TBC1D22A: variants seen among roughly 807,000 people sequenced by gnomAD.
TBC1D22A encodes the protein TBC1 domain family member 22A, also known as putative GTPase activator.
In TBC1D22A, 38 loss-of-function variants were observed where a neutral mutation model predicts 60.2. That is an observed-to-expected ratio of 0.63 (90% confidence interval 0.49 to 0.83). The LOEUF is 0.83. Ranked by LOEUF, TBC1D22A falls within the 40% of genes least tolerant of loss-of-function variation. The probability of loss-of-function intolerance (pLI) is 0.00; values close to 1 mark genes in which losing one functional copy is unlikely to be tolerated. For missense variants in TBC1D22A, 628 were observed against 701.0 expected, an observed-to-expected ratio of 0.90 and a Z score of 1.18; for synonymous variants, 302 against 281.7, an observed-to-expected ratio of 1.07 and a Z score of -0.72.
rs1002845495 is a variant in TBC1D22A, at chr22:47,173,746, C to A, written c.*120C>A. 3 of 1,474,154 alleles carry A rather than the reference C, an allele frequency of 2.0e-6. No homozygotes were observed. The highest frequency in any genetic ancestry group is 2.8e-6 in the Non-Finnish European group (3 of 1,081,558). The allele number at this position is 1,474,154 out of a possible 1,614,324, so 91.3% of individuals were successfully genotyped here. A position where few individuals can be genotyped will look rare whatever the true frequency, so the allele number is the denominator to read the frequency against. ...TAAAAGGCCTTGTGAGGTGGCCCCA[C>A]CCTCCAGGGGAGCTGGTGAAGATGG... On this transcript the variant is annotated 3_prime_UTR_variant, in exon 13 of 13. Coordinates refer to ENST00000337137, the MANE Select transcript of TBC1D22A (RefSeq NM_014346.5).
chr22:47,024,883 A>G (rs905535566), intron 10 of TBC1D22A, among the ~76,000 whole-genome samples: 1 of 152,204 alleles, frequency 6.6e-6, no homozygotes, highest in African/African-American at 2.4e-5. Flanking sequence ...AAAGCCCACA[A>G]ATATGAAGAA....
intron 8 of TBC1D22A, among the ~76,000 whole-genome samples, chr22:46,943,644 ATT>A (rs1255552653): frequency 6.6e-6 from 1 of 152,184 alleles, no homozygotes; most frequent in African/African-American, 2.4e-5. Context: ...TTGTGCAACA[ATT>A]GCCACACTCT....
At chr22:46,959,841 C>T (rs930593063) in intron 8 of TBC1D22A, among the ~76,000 whole-genome samples, 9 of 152,188 alleles carry the variant, frequency 5.9e-5, no homozygotes, top group South Asian at 2.1e-4. Context: ...GACCTGCCAT[C>T]GGCATTTGCT....
At chr22:47,055,903 T>TACGCCACTGAGGGTCAGTGAGAC (rs2063378410) in intron 11 of TBC1D22A, among the ~76,000 whole-genome samples, 1 of 151,818 alleles carries the variant, frequency 6.6e-6, no homozygotes, top group Admixed American at 6.6e-5. Flanking sequence ...GTCGGTGAGA[T>TACGCCACTGAGGGTCAGTGAGAC]ACGCCACTGA....
chr22:47,154,415 A>G (rs2147183226), intron 12 of TBC1D22A, among the ~76,000 whole-genome samples: 1 of 152,298 alleles, frequency 6.6e-6, no homozygotes, highest in East Asian at 1.9e-4. Context: ...CGCGCGGGAC[A>G]CTGTCATGGC....
At chr22:47,007,439 G>A (rs1261716429) in intron 10 of TBC1D22A, among the ~76,000 whole-genome samples, 1 of 152,258 alleles carries the variant, frequency 6.6e-6, no homozygotes, top group Non-Finnish European at 1.5e-5. Context: ...GGGAGAGGCA[G>A]AGGAGCCCTT....
intron 4 of TBC1D22A, among the ~76,000 whole-genome samples, chr22:46,815,838 G>A (rs1476473662): frequency 6.6e-6 from 1 of 152,090 alleles, no homozygotes; most frequent in East Asian, 1.9e-4. Context: ...TTGGCTGGTG[G>A]GAGGATGGAA....
rs1352400742 is a variant in TBC1D22A, at chr22:47,009,855, C to T, written c.1201+12146C>T. Among the ~76,000 whole-genome samples the T allele has an allele frequency of 1.3e-5, 2 of 152,244 alleles. No homozygotes were observed. Among genetic ancestry groups the T allele is most frequent in the Non-Finnish European group, 2.9e-5 (2 of 68,052 alleles). The stretch of plus-strand genomic sequence containing the variant: ...TTGGACCTTGTTGAGCTGCCAAGGG[C>T]CCTGTCCATGCCTGCTCCTGAGGCA... On this transcript the variant is annotated intron_variant, in intron 10 of 12. Coordinates refer to ENST00000337137, the MANE Select transcript of TBC1D22A (RefSeq NM_014346.5). The surrounding 1 kb of genome is among the most constrained non-coding windows in gnomAD (Gnocchi z 5.8).
At chr22:46,928,419 AC>A (rs1418313616) in intron 8 of TBC1D22A, among the ~76,000 whole-genome samples, 1 of 152,240 alleles carries the variant, frequency 6.6e-6, no homozygotes, top group African/African-American at 2.4e-5. Flanking sequence ...GTAGACACAC[AC>A]AAAAAAGTGA....
At chr22:46,966,126 C>A (rs769682716) in intron 8 of TBC1D22A, among the ~76,000 whole-genome samples, 4 of 152,240 alleles carry the variant, frequency 2.6e-5, no homozygotes, top group Admixed American at 2.0e-4. Flanking sequence ...TCTTCCTCCT[C>A]TTTCCGTCTG....
chr22:47,157,513 G>A (rs2067773400), intron 12 of TBC1D22A, among the ~76,000 whole-genome samples: 1 of 152,202 alleles, frequency 6.6e-6, no homozygotes, highest in African/African-American at 2.4e-5. Context: ...GCCAGGATGT[G>A]GTTCTCCCAC....
At chr22:46,940,397 C>CAT (rs1466729354) in intron 8 of TBC1D22A, among the ~76,000 whole-genome samples, 1 of 151,450 alleles carries the variant, frequency 6.6e-6, no homozygotes, top group Non-Finnish European at 1.5e-5. Context: ...CACCAGCACA[C>CAT]ATATATATGT....
intron 11 of TBC1D22A, among the ~76,000 whole-genome samples, chr22:47,078,553 G>A (rs767043104): frequency 9.9e-5 from 15 of 152,108 alleles, no homozygotes; most frequent in Admixed American, 2.6e-4. Flanking sequence ...TGAATGTAAC[G>A]CGCTTAGCAC....
In TBC1D22A at chr22:46,792,719, G is replaced by A. The variant is rs902183625; in HGVS notation, c.119+143G>A. On this transcript the variant is annotated intron_variant, in intron 2 of 12. Transcript: ENST00000337137. ...CTCATTCAGCCACACTGATCAAGCA[G>A]TCGCTTTGTGTGAGATACTGTGCAC... 5 of 1,559,596 alleles carry A rather than the reference G, an allele frequency of 3.2e-6. No individual in the cohort carries two copies. The African/African-American group carries it at 6.8e-5, about 21-fold the overall frequency.
chr22:47,151,304 G>A (rs896167897), intron 12 of TBC1D22A, among the ~76,000 whole-genome samples: 5 of 152,298 alleles, frequency 3.3e-5, no homozygotes, highest in South Asian at 2.1e-4. Flanking sequence ...GCGGCTTCCC[G>A]GCGCACTCAC....
At chr22:47,119,920 G>A (rs1477642940) in intron 12 of TBC1D22A, among the ~76,000 whole-genome samples, 1 of 152,214 alleles carries the variant, frequency 6.6e-6, no homozygotes, top group Admixed American at 6.5e-5. Flanking sequence ...CTTATGTGGT[G>A]GAAGGTAGGA....
chr22:47,142,582 C>G (rs1016946243), intron 12 of TBC1D22A, among the ~76,000 whole-genome samples: 11 of 135,658 alleles, frequency 8.1e-5, no homozygotes, highest in Admixed American at 2.2e-4. Context: ...ACCCATTCAC[C>G]CACCCATCCA....
intron 4 of TBC1D22A, among the ~76,000 whole-genome samples, chr22:46,804,738 T>C (rs991782168): frequency 2.0e-5 from 3 of 152,362 alleles, no homozygotes; most frequent in East Asian, 3.9e-4. Context: ...TTCAGTTTAA[T>C]AGGAAACCTT....
At chr22:46,966,140 A>T (rs546522407) in intron 8 of TBC1D22A, among the ~76,000 whole-genome samples, 4 of 152,142 alleles carry the variant, frequency 2.6e-5, no homozygotes, top group African/African-American at 9.6e-5. Flanking sequence ...CCGTCTGTGA[A>T]CTTTCTGCCT....
Sources: allele counts gnomAD v4.1 joint callset (sites outside exome capture counted in the v4.1 genomes callset), GRCh38; gene constraint gnomAD v4.1.1; non-coding constraint Gnocchi (gnomAD v3.1); transcripts MANE v1.5; gene names NCBI Gene and HGNC (gene_info 2026-07-23, HGNC 2026-07-21).